Variants in UBAP2 observed in about 807,000 individuals in gnomAD.
UBAP2 encodes ubiquitin associated protein 2, also known as ubiquitin-associated protein 2.
UBAP2 carries 75 observed loss-of-function variants against 139.6 expected under a neutral mutation model. The ratio of observed to expected loss-of-function variants is 0.54; its 90% CI spans 0.45 to 0.65. The LOEUF (loss-of-function observed/expected upper bound fraction) is 0.65, where lower values mean the gene tolerates loss of function less well. Among genes scored for constraint, UBAP2 ranks in the 30% least tolerant of loss-of-function variants. UBAP2 has a pLI of 0.00. For synonymous variants in UBAP2, 526 were observed against 526.2 expected (o/e 1.00, Z 0.01); for missense variants, 1,368 against 1,369.6 (o/e 1.00, Z 0.02).
At chr9:34,022,433 CT>C (rs11387718) in intron 1 of UBAP2, among the ~76,000 whole-genome samples, 7,043 of 112,300 alleles carry the variant, frequency 0.063, 623 homozygotes, top group African/African-American at 0.22. Context: ...AGCAAGACCC[CT>C]TTTTTTTTTT....
At chr9:33,977,492 T>A (rs1202181325) in intron 6 of UBAP2, among the ~76,000 whole-genome samples, 1 of 152,176 alleles carries the variant, frequency 6.6e-6, no homozygotes, top group Admixed American at 6.5e-5. Flanking sequence ...TTATCTGGAA[T>A]GAACAGATTA....
chr9:33,930,198 T>C (rs142985271), intron 19 of UBAP2, among the ~76,000 whole-genome samples: 1,768 of 152,262 alleles, frequency 0.012, 12 homozygotes, highest in Middle Eastern at 0.02. Flanking sequence ...CATGGTGTAA[T>C]AGGATATTTC....
intron 8 of UBAP2, among the ~76,000 whole-genome samples, chr9:33,970,203 T>C (rs185146719): frequency 1.7e-3 from 255 of 152,002 alleles, no homozygotes; most frequent in Non-Finnish European, 2.8e-3. Context: ...AATATCTATA[T>C]GATCCATATC....
At chr9:33,943,619 CAG>C (rs150842629) in intron 14 of UBAP2, 30 bp from the exon 15 acceptor site, 1 of 1,610,832 alleles carries the variant, frequency 6.2e-7, no homozygotes, top group African/African-American at 1.3e-5. Context: ...GTGTCAGGAA[CAG>C]AGGTCACAGA....
intron 19 of UBAP2, among the ~76,000 whole-genome samples, chr9:33,931,015 G>T (rs1823933565): frequency 6.6e-6 from 1 of 151,790 alleles, no homozygotes; most frequent in African/African-American, 2.4e-5. Flanking sequence ...GAGCCAAGTA[G>T]ATGAGAGACA....
chr9:33,948,320 C>T, intron 13 of UBAP2, 54 bp downstream of exon 13: 1 of 1,470,382 alleles, frequency 6.8e-7, no homozygotes. Flanking sequence ...ACACACTCTG[C>T]CAAAGCTTGA....
intron 6 of UBAP2, among the ~76,000 whole-genome samples, chr9:33,981,264 G>GATATATATATATATATATTCTGGATAT: frequency 1.4e-5 from 1 of 70,658 alleles, no homozygotes; most frequent in African/African-American, 6.7e-5. Context: ...ATATATTCTG[G>GATATATATATATATATATTCTGGATAT]ATATATATAT....
chr9:34,047,403 G>A (rs1002669389), intron 1 of UBAP2, among the ~76,000 whole-genome samples: 3 of 152,174 alleles, frequency 2.0e-5, no homozygotes, highest in African/African-American at 4.8e-5. Flanking sequence ...CATCTCCAGG[G>A]AGTGGAATAC....
At chr9:33,934,277 G>A (rs1345788906) in intron 17 of UBAP2, 1 of 156,306 alleles carries the variant, frequency 6.4e-6, no homozygotes, top group African/African-American at 2.4e-5. Context: ...AAAGGATGTG[G>A]AGACACTCAG....
At chr9:34,022,874 G>T (rs1564067805) in intron 1 of UBAP2, among the ~76,000 whole-genome samples, 1 of 152,112 alleles carries the variant, frequency 6.6e-6, no homozygotes, top group Non-Finnish European at 1.5e-5. Flanking sequence ...TAGATTTCCA[G>T]TTCTGTTGAT....
At chr9:33,989,277 C>G (rs1821489874) in intron 4 of UBAP2, 151 bp from the exon 5 acceptor site, 1 of 857,598 alleles carries the variant, frequency 1.2e-6, no homozygotes, top group Admixed American at 4.1e-5. Context: ...TCTCAGCTCA[C>G]TGCAAGCTCC....
At chr9:33,929,594 A>G (rs1336472403) in intron 19 of UBAP2, among the ~76,000 whole-genome samples, 1 of 152,258 alleles carries the variant, frequency 6.6e-6, no homozygotes, top group Admixed American at 6.5e-5. Context: ...CTATGTAAAA[A>G]AAAATCATAA....
intron 12 of UBAP2, 49 bp from the exon 13 acceptor site, chr9:33,948,636 G>A (rs762586470): frequency 1.3e-6 from 2 of 1,537,286 alleles, no homozygotes; most frequent in East Asian, 2.3e-5. Context: ...CAGAATTTCT[G>A]CCCAAGGCTT....
intron 2 of UBAP2, among the ~76,000 whole-genome samples, chr9:34,008,006 A>G (rs1823387627): frequency 6.6e-6 from 1 of 151,926 alleles, no homozygotes; most frequent in Non-Finnish European, 1.5e-5. Flanking sequence ...CGTCCTAGTG[A>G]CCAATTATTT....
At chr9:33,955,834 GAAAAA>G (rs34598165) in intron 11 of UBAP2, among the ~76,000 whole-genome samples, 1 of 75,050 alleles carries the variant, frequency 1.3e-5, no homozygotes, top group South Asian at 3.9e-4. Flanking sequence ...TCTCAAAATA[GAAAAA>G]AAAAAAAAAA....
chr9:33,999,906 G>GTAT (rs1554689184), intron 2 of UBAP2, among the ~76,000 whole-genome samples: 2 of 49,338 alleles, frequency 4.1e-5, no homozygotes, highest in Non-Finnish European at 5.3e-5. Context: ...ATGTATGTAT[G>GTAT]TTATTTTGAG....
At chr9:33,937,599 C>CA (rs1185167927) in intron 16 of UBAP2, among the ~76,000 whole-genome samples, 10,325 of 85,162 alleles carry the variant, frequency 0.12, 668 homozygotes, top group South Asian at 0.24. Context: ...GACTCTGTCT[C>CA]AAAAAAAAAA....
intron 6 of UBAP2, 109 bp downstream of exon 6, chr9:33,986,651 C>T: frequency 1.1e-6 from 1 of 897,578 alleles, no homozygotes; most frequent in Non-Finnish European, 1.9e-6. Flanking sequence ...TTTAGATGAC[C>T]TGCTATTCTT....
rs559642552 is a variant in UBAP2, at chr9:33,960,605, G to A, written c.798+221C>T. Among the ~76,000 whole-genome samples the A allele has an allele frequency of 2.8e-4, 42 of 151,756 alleles. 1 individual carries two copies. The highest frequency in any genetic ancestry group is 9.4e-4 in the African/African-American group (39 of 41,348). ...ACCCTGACCAAAATGGTGAAACATC[G>A]TCTCTACTAAAAAAAAAATACAAAA... On this transcript the variant is annotated intron_variant, in intron 10 of 28. Transcript: ENST00000379238.
Sources: allele counts gnomAD v4.1 joint callset (sites outside exome capture counted in the v4.1 genomes callset), GRCh38; gene constraint gnomAD v4.1.1; transcripts MANE v1.5; gene names NCBI Gene and HGNC (gene_info 2026-07-23, HGNC 2026-07-21).